KLHL38: variants seen among roughly 807,000 people sequenced by gnomAD.
KLHL38 encodes kelch like family member 38, also known as kelch-like protein 38.
KLHL38 carries 38 observed loss-of-function variants against 39.6 expected under a neutral mutation model. The observed-to-expected ratio is 0.96, with a 90% confidence interval of 0.74 to 1.26. KLHL38 has a LOEUF of 1.26. KLHL38 is among the 50% of genes most tolerant of loss of function. KLHL38 has a pLI of 0.00. For synonymous variants in KLHL38, 322 were observed against 302.2 expected (o/e 1.07, Z -0.68); for missense variants, 803 against 748.1 (o/e 1.07, Z -0.86).
chr8:123,647,909 C>G (rs1818689839), intron 2 of KLHL38, among the ~76,000 whole-genome samples: 2 of 152,070 alleles, frequency 1.3e-5, no homozygotes, highest in South Asian at 4.2e-4. Context: ...GAAACCCCAT[C>G]TCTACTAAAA....
chr8:123,651,525 T>A, intron 2 of KLHL38, 52 bp downstream of exon 2: 31 of 1,517,866 alleles, frequency 2.0e-5, no homozygotes, highest in Non-Finnish European at 2.6e-5. Context: ...TGTGGGTGTG[T>A]CCAAGCACAC....
At position 123,652,675 on chromosome 8, in the gene KLHL38, G is replaced by C; in HGVS notation, c.252C>G (p.Thr84=). The change falls in exon 2 of 4, where the codon ACC becomes ACG. Residue 84 remains threonine, a synonymous_variant. Coordinates refer to ENST00000684634, the MANE Select transcript of KLHL38 (RefSeq NM_001081675.3). ...ACACGTAGGAGACGATCTGGTCCAG[G>C]GTTGGGGGGTCAATGCCTTTCAGCT... ...KVQLKGIDPP[T]LDQIVSYVYT... 6.2e-7 allele frequency: 1 copy of C among 1,614,196 alleles called. No homozygotes were observed. The highest frequency in any genetic ancestry group is 1.7e-5 in the Admixed American group (1 of 60,022).
chr8:123,647,784 A>C (rs1221240185), intron 2 of KLHL38, among the ~76,000 whole-genome samples: 2 of 152,258 alleles, frequency 1.3e-5, no homozygotes, highest in African/African-American at 4.8e-5. Flanking sequence ...TTTCCTATAA[A>C]ATAAAATTAC....
At position 123,646,977 on chromosome 8, in the gene KLHL38, T is replaced by A. The variant is rs1818674527; in HGVS notation, c.1388A>T (p.Glu463Val). 6.2e-7 allele frequency: 1 copy of A among 1,613,552 alleles called. No individual in the cohort carries two copies. The change falls in exon 3 of 4, where the codon GAG becomes GTG. Residue 463 changes from glutamate (E) to valine (V), a missense_variant. By Grantham distance (121) the Glu-to-Val change is moderately radical. Coordinates refer to ENST00000684634, the MANE Select transcript of KLHL38 (RefSeq NM_001081675.3). ...ACACACGTTCTTGATCATTCTTGTC[T>A]CCATTTTGAACCACGAGTTTCTGGA... ...HISRNSWFKM[E>V]TRMIKNVCAP...
chr8:123,645,658 AG>A lies in KLHL38; in HGVS notation c.*80del. 6.7e-7 allele frequency: 1 copy of A among 1,497,672 alleles called. No individual in the cohort carries two copies. Among genetic ancestry groups the A allele is most frequent in the African/African-American group, 1.4e-5 (1 of 72,192 alleles). The allele number at this position is 1,497,672 out of a possible 1,614,324, so 92.8% of individuals were successfully genotyped here. A position where few individuals can be genotyped will look rare whatever the true frequency, so the allele number is the denominator to read the frequency against. On this transcript the variant is annotated 3_prime_UTR_variant, in exon 4 of 4. Transcript: ENST00000684634. ...TTGTGAGCTCTCCCTGCAGCCTTTA[AG>A]GGTTAAGCCCTTTGGAGCTGGGTTT...
intron 2 of KLHL38, 59 bp from the exon 3 acceptor site, chr8:123,647,073 A>G: frequency 1.0e-6 from 1 of 997,252 alleles, no homozygotes; most frequent in Non-Finnish European, 1.6e-6. Context: ...TTGAAAAAAG[A>G]CAGAAGTAGT....
rs779696246 is a variant in KLHL38 at position 123,645,703 on chromosome 8, G to A, written c.*36C>T. 35 of 1,603,026 alleles carry A rather than the reference G, an allele frequency of 2.2e-5. No homozygotes were observed. The East Asian group carries it at 3.1e-4, about 14-fold the overall frequency. On this transcript the variant is annotated 3_prime_UTR_variant, in exon 4 of 4. Transcript: ENST00000684634. ...TGGGTTTGTGTCCCTGGCGACAGAA[G>A]GCATTTTGACTAGGGCAGAAGGTTT...
chr8:123,652,444 C>G lies in KLHL38; in HGVS notation c.483G>C (p.Thr161=). The G allele has an allele frequency of 6.2e-7, 1 of 1,614,174 alleles. No individual in the cohort carries two copies. The highest frequency in any genetic ancestry group is 8.5e-7 in the Non-Finnish European group (1 of 1,180,046). The change falls in exon 2 of 4, where the codon ACG becomes ACC. Residue 161 remains threonine, a synonymous_variant. Transcript: ENST00000684634. ...CCGATGCGGCCACCTCTGGGAAGGACGTCAGTGCCACCTCCCTGGCTTTCT... is the reference window on the plus strand; with the variant it reads ...CCGATGCGGCCACCTCTGGGAAGGAGGTCAGTGCCACCTCCCTGGCTTTCT... ...LKKKAREVAL[T]SFPEVAASAD...
intron 2 of KLHL38, among the ~76,000 whole-genome samples, chr8:123,650,605 C>G (rs1215023821): frequency 1.3e-5 from 2 of 152,050 alleles, no homozygotes; most frequent in African/African-American, 4.8e-5. Flanking sequence ...AAGGCAGGCT[C>G]AATATTCACG....
chr8:123,645,912 C>T lies in KLHL38; in HGVS notation c.1573G>A (p.Val525Met), dbSNP rs376576295. Reference protein sequence around the residue: ...GATVMGNKLYVTGGRRLTTDC... With the variant: ...GATVMGNKLYMTGGRRLTTDC... Reference sequence around the variant, plus strand: ...GTGGTCAGCCGCCGCCCGCCCGTCACGTAGAGTTTGTTTCCCATCACTGTG... The same window carrying T: ...GTGGTCAGCCGCCGCCCGCCCGTCATGTAGAGTTTGTTTCCCATCACTGTG... The change falls in exon 4 of 4, where the codon GTG (valine) becomes ATG (methionine). Residue 525 changes from valine (V) to methionine (M), a missense_variant. Coordinates refer to ENST00000684634, the MANE Select transcript of KLHL38 (RefSeq NM_001081675.3). 7.0e-5 allele frequency: 113 copies of T among 1,613,990 alleles called. 1 individual carries two copies. Among genetic ancestry groups the T allele is most frequent in the Middle Eastern group, 1.6e-4 (1 of 6,084 alleles).
chr8:123,650,178 AC>A (rs765301733), intron 2 of KLHL38, among the ~76,000 whole-genome samples: 2 of 151,562 alleles, frequency 1.3e-5, no homozygotes, highest in East Asian at 1.9e-4. Flanking sequence ...CATTCCCTTA[AC>A]CCTGGCACTC....
chr8:123,651,059 C>T (rs1812632423), intron 2 of KLHL38, among the ~76,000 whole-genome samples: 1 of 152,144 alleles, frequency 6.6e-6, no homozygotes, highest in Non-Finnish European at 1.5e-5. Context: ...TATTTGATAT[C>T]CTTTGTTATG....
chr8:123,651,425 T>G, intron 2 of KLHL38, 152 bp downstream of exon 2: 3 of 782,334 alleles, frequency 3.8e-6, no homozygotes, highest in African/African-American at 1.7e-5. Context: ...TGCATATGTG[T>G]GTTTGTGTAT....
Position 123,652,653 on chromosome 8 carries a change from C to A in KLHL38, c.274G>T (p.Val92Leu), listed in dbSNP as rs200205923. ...GCAATATGTGCCTCCCCCGTATACACGTAGGAGACGATCTGGTCCAGGGTT... is the reference window on the plus strand; with the variant it reads ...GCAATATGTGCCTCCCCCGTATACAAGTAGGAGACGATCTGGTCCAGGGTT... Reference protein sequence around the residue: ...PPTLDQIVSYVYTGEAHIATD... With the variant: ...PPTLDQIVSYLYTGEAHIATD... The change falls in exon 2 of 4, where the codon GTG becomes TTG. Residue 92 changes from valine to leucine, a missense_variant. Coordinates refer to ENST00000684634, the MANE Select transcript of KLHL38 (RefSeq NM_001081675.3). 5.6e-6 allele frequency: 9 copies of A among 1,614,230 alleles called. No individual in the cohort carries two copies. The highest frequency in any genetic ancestry group is 7.6e-6 in the Non-Finnish European group (9 of 1,180,042).
rs980056714 is a variant in KLHL38 at position 123,653,080 on chromosome 8, G to A, written c.-1-153C>T. On this transcript the variant is annotated intron_variant, in intron 1 of 3. Coordinates refer to ENST00000684634, the MANE Select transcript of KLHL38 (RefSeq NM_001081675.3). ...GATGTCACCATGGATATTGTGTAGG[G>A]AAGATTGGAAAGGAAGGCCACATAC... 3 of 787,294 alleles carry A rather than the reference G, an allele frequency of 3.8e-6. No homozygotes were observed. The African/African-American group carries it at 5.2e-5, about 14-fold the overall frequency. 48.8% of individuals were successfully genotyped at this position (787,294 alleles called of 1,614,324 possible).
intron 1 of KLHL38, 42 bp from the exon 2 acceptor site, chr8:123,652,969 A>T (rs764679041): frequency 1.9e-6 from 3 of 1,544,622 alleles, no homozygotes; most frequent in South Asian, 2.5e-5. Context: ...GCAAGAGTCA[A>T]ACCTTTCTCA....
intron 2 of KLHL38, among the ~76,000 whole-genome samples, chr8:123,648,237 G>A (rs1370363118): frequency 6.6e-6 from 1 of 152,168 alleles, no homozygotes; most frequent in Non-Finnish European, 1.5e-5. Context: ...CAAATGACAT[G>A]CCCAGGGTCA....
At position 123,645,719 on chromosome 8, in the gene KLHL38, C is replaced by A. The variant is rs1563591314; in HGVS notation, c.*20G>T. ...GCGACAGAAGGCATTTTGACTAGGGCAGAAGGTTTCTTGTCGACCTCATGG... is the reference window on the plus strand; with the variant it reads ...GCGACAGAAGGCATTTTGACTAGGGAAGAAGGTTTCTTGTCGACCTCATGG... On this transcript the variant is annotated 3_prime_UTR_variant, in exon 4 of 4. Transcript: ENST00000684634. 7 of 1,610,424 alleles carry A rather than the reference C, an allele frequency of 4.3e-6. No homozygotes were observed. The highest frequency in any genetic ancestry group is 2.7e-5 in the African/African-American group (2 of 74,942).
At position 123,645,905 on chromosome 8, in the gene KLHL38, C is replaced by T; in HGVS notation, c.1580G>A (p.Gly527Asp). 6.2e-7 allele frequency: 1 copy of T among 1,614,060 alleles called. No individual in the cohort carries two copies. The highest frequency in any genetic ancestry group is 1.1e-5 in the South Asian group (1 of 91,066). Residue 527 changes from glycine to aspartate, a missense_variant, in exon 4 of 4, where the codon GGC becomes GAC. Physicochemically the swap from Gly to Asp is moderately conservative, Grantham distance 94. Transcript: ENST00000684634. The part of the protein sequence containing the change: ...TVMGNKLYVT[G>D]GRRLTTDCNI... The stretch of plus-strand genomic sequence containing the variant: ...GCAGTCCGTGGTCAGCCGCCGCCCG[C>T]CCGTCACGTAGAGTTTGTTTCCCAT...
Sources: allele counts gnomAD v4.1 joint callset (sites outside exome capture counted in the v4.1 genomes callset), GRCh38; gene constraint gnomAD v4.1.1; transcripts MANE v1.5; gene names NCBI Gene and HGNC (gene_info 2026-07-23, HGNC 2026-07-21).